SOX30: variants seen among roughly 807,000 people sequenced by gnomAD.
SOX30 encodes the protein transcription factor SOX-30.
Under a neutral mutation model 58.6 loss-of-function variants are expected in SOX30, and 17 were observed. The ratio of observed to expected loss-of-function variants is 0.29; its 90% confidence interval spans 0.20 to 0.44. The LOEUF (loss-of-function observed/expected upper bound fraction) is 0.44. Ranked by LOEUF, SOX30 falls within the 20% of genes least tolerant of loss-of-function variation. The probability of loss-of-function intolerance (pLI) is 1.00; values close to 1 mark genes in which losing one functional copy is unlikely to be tolerated. For synonymous variants in SOX30, 421 were observed against 400.2 expected (o/e 1.05, Z -0.62); for missense variants, 951 against 965.8 (o/e 0.98, Z 0.20).
Position 157,642,409 on chromosome 5 carries a change from G to A in SOX30, c.1388-3687C>T, listed in dbSNP as rs906503591. Among the ~76,000 whole-genome samples, 6 of 151,566 alleles carry A rather than the reference G, an allele frequency of 4.0e-5. No individual in the cohort carries two copies. The East Asian group carries it at 5.8e-4, about 15-fold the overall frequency. ...GAATTCAGTGTGTGAAATATTATGC[G>A]GTAGTAATCACAACATATTTAAATT... On this transcript the variant is annotated intron_variant, in intron 3 of 4. Coordinates refer to ENST00000265007, the MANE Select transcript of SOX30 (RefSeq NM_178424.2).
At chr5:157,645,489 C>T (rs942142559) in intron 3 of SOX30, among the ~76,000 whole-genome samples, 1 of 151,686 alleles carries the variant, frequency 6.6e-6, no homozygotes, top group East Asian at 1.9e-4. Flanking sequence ...ATGGCAAAAC[C>T]CCATCTCTAA....
At position 157,652,101 on chromosome 5, in the gene SOX30, A is replaced by G. The variant is rs183997314; in HGVS notation, c.-23T>C. 614 of 1,394,016 alleles carry G rather than the reference A, an allele frequency of 4.4e-4. 1 individual carries two copies. The African/African-American group carries it at 8.4e-3, about 19-fold the overall frequency. The allele number at this position is 1,394,016 out of a possible 1,614,324, so 86.4% of individuals were successfully genotyped here. A position where few individuals can be genotyped will look rare whatever the true frequency, so the allele number is the denominator to read the frequency against. On this transcript the variant is annotated 5_prime_UTR_variant, in exon 1 of 5. Coordinates refer to ENST00000265007, the MANE Select transcript of SOX30 (RefSeq NM_178424.2). ...CATGGGGGAGGGGGACGCCCCGGCC[A>G]GGATTGTGAGCTCAGCCGTTTGTTG... is the stretch of plus-strand genomic sequence containing the variant.
Position 157,626,212 on chromosome 5 carries a change from G to T in SOX30, c.*128C>A. 2 of 752,672 alleles carry T rather than the reference G, an allele frequency of 2.7e-6. No homozygotes were observed. The highest frequency in any genetic ancestry group is 4.0e-6 in the Non-Finnish European group (2 of 498,276). 46.6% of individuals were successfully genotyped at this position (752,672 alleles called of 1,614,324 possible). ...TTTTATGAAGACATAAATTGCATTT[G>T]GTTTTAACTCCTCAAATCACGACTG... is the stretch of plus-strand genomic sequence containing the variant. On this transcript the variant is annotated 3_prime_UTR_variant, in exon 5 of 5. Transcript: ENST00000265007.
chr5:157,647,695 C>T (rs945372393), intron 2 of SOX30, among the ~76,000 whole-genome samples: 1 of 152,038 alleles, frequency 6.6e-6, no homozygotes, highest in South Asian at 2.1e-4. Flanking sequence ...GCTGGGACTA[C>T]AGGTGCCCAA....
In SOX30 at chr5:157,631,084, A is replaced by G. The variant is rs571502444; in HGVS notation, c.1881-4363T>C. Among the ~76,000 whole-genome samples the G allele has an allele frequency of 2.4e-3, 289 of 118,086 alleles. 2 individuals carry two copies. Among genetic ancestry groups the G allele is most frequent in the African/African-American group, 8.9e-3 (264 of 29,658 alleles). 77.5% of individuals were successfully genotyped at this position (118,086 alleles called of 152,430 possible). On this transcript the variant is annotated intron_variant, in intron 4 of 4. Transcript: ENST00000265007. ...ATATATATATACACACAATATATGT[A>G]TTTTATATATGTAATTTAAGAGATG...
rs1468142977 is a variant in SOX30 at position 157,646,780 on chromosome 5, C to T, written c.1244G>A (p.Arg415Gln). 3.7e-6 allele frequency: 6 copies of T among 1,613,992 alleles called. No homozygotes were observed. The highest frequency in any genetic ancestry group is 2.7e-5 in the African/African-American group (2 of 75,030). Residue 415 changes from arginine to glutamine, a missense_variant, in exon 3 of 5, where the codon CGA becomes CAA. Coordinates refer to ENST00000265007, the MANE Select transcript of SOX30 (RefSeq NM_178424.2). ...TACATTGGAAACACTTAGAGGGAAT[C>T]GTTTTCGCTTCCCTGGACGAGGCTG... ...VYQPRPGKRK[R>Q]FPLSVSNVFS...
chr5:157,653,774 A>G (rs1169356849), upstream of SOX30, among the ~76,000 whole-genome samples: 1 of 152,220 alleles, frequency 6.6e-6, no homozygotes, highest in Non-Finnish European at 1.5e-5. Flanking sequence ...ATCCTCTGGT[A>G]ACAAATGTGG....
chr5:157,652,898 T>C (rs1759398385), upstream of SOX30, among the ~76,000 whole-genome samples: 1 of 152,138 alleles, frequency 6.6e-6, no homozygotes, highest in South Asian at 2.1e-4. Context: ...AAAACGCAAA[T>C]CTAAGGTTGT....
chr5:157,649,079 TCTGAA>T (rs1246213044), intron 1 of SOX30, among the ~76,000 whole-genome samples, 183 bp from the exon 2 acceptor site: 1 of 151,930 alleles, frequency 6.6e-6, no homozygotes, highest in Non-Finnish European at 1.5e-5. Context: ...AACTCATCAT[TCTGAA>T]CTGTAGTTTA....
intron 1 of SOX30, among the ~76,000 whole-genome samples, chr5:157,649,406 T>A (rs1759273742): frequency 6.6e-6 from 1 of 152,230 alleles, no homozygotes; most frequent in Non-Finnish European, 1.5e-5. Flanking sequence ...CTATATTAGT[T>A]GTATTTCACT....
chr5:157,630,667 CT>C (rs1337896606), intron 4 of SOX30, among the ~76,000 whole-genome samples: 1 of 151,378 alleles, frequency 6.6e-6, no homozygotes, highest in Admixed American at 6.6e-5. Context: ...TGGGGCACTC[CT>C]TAAATACTTA....
At chr5:157,626,827 C>T in intron 4 of SOX30, 106 bp from the exon 5 acceptor site, 1 of 1,263,874 alleles carries the variant, frequency 7.9e-7, no homozygotes, top group East Asian at 2.4e-5. Context: ...TTGGAAAGTT[C>T]CTTTCTGCAA....
upstream of SOX30, among the ~76,000 whole-genome samples, chr5:157,656,363 G>A (rs1023025544): frequency 1.3e-5 from 2 of 152,282 alleles, no homozygotes; most frequent in African/African-American, 2.4e-5. Context: ...TAAACATTTG[G>A]TCTAAATTAT....
rs1411675073 is a variant in SOX30 at position 157,651,338 on chromosome 5, C to G, written c.741G>C (p.Thr247=). The change falls in exon 1 of 5, where the codon ACG becomes ACC. Residue 247 remains threonine, a synonymous_variant. Transcript: ENST00000265007. ...HGSAEVILAP[T]SGAFGPHQQD... is the part of the protein sequence containing the mutation. ...GCTGGTGCGGCCCAAAGGCACCGGA[C>G]GTTGGGGCCAAGATGACCTCCGCGC... is the stretch of plus-strand genomic sequence containing the variant. The G allele has an allele frequency of 6.2e-7, 1 of 1,613,966 alleles. No homozygotes were observed. The highest frequency in any genetic ancestry group is 1.1e-5 in the South Asian group (1 of 91,082).
intron 3 of SOX30, among the ~76,000 whole-genome samples, chr5:157,639,132 A>G (rs1173332179): frequency 6.6e-6 from 1 of 152,202 alleles, no homozygotes; most frequent in Non-Finnish European, 1.5e-5. Flanking sequence ...GTATGCATAT[A>G]TACATTTAAA....
chr5:157,655,414 G>A (rs1361345138), upstream of SOX30, among the ~76,000 whole-genome samples: 5 of 152,170 alleles, frequency 3.3e-5, no homozygotes, highest in Non-Finnish European at 4.4e-5. Context: ...AGATTTAGGG[G>A]GCTAGAAGCC....
chr5:157,629,102 T>A (rs1758728993), intron 4 of SOX30, among the ~76,000 whole-genome samples: 1 of 152,128 alleles, frequency 6.6e-6, no homozygotes, highest in Admixed American at 6.5e-5. Flanking sequence ...CACAGTAGGG[T>A]GCCTATAGTT....
chr5:157,652,021 G>A lies in SOX30; in HGVS notation c.58C>T (p.Pro20Ser), dbSNP rs1385220964. 1.5e-5 allele frequency: 21 copies of A among 1,430,286 alleles called. No individual in the cohort carries two copies. The highest frequency in any genetic ancestry group is 2.7e-5 in the East Asian group (1 of 37,202). The allele number at this position is 1,430,286 out of a possible 1,614,324, so 88.6% of individuals were successfully genotyped here. A position where few individuals can be genotyped will look rare whatever the true frequency, so the allele number is the denominator to read the frequency against. Residue 20 changes from proline (P) to serine (S), a missense_variant, in exon 1 of 5, where the codon CCC becomes TCC. Pro to Ser is a moderately conservative substitution (Grantham distance 74). Around this residue, in one of 7 missense-constraint regions of SOX30, gnomAD observed 363 missense variants for 294.5 expected, o/e 1.23. Transcript: ENST00000265007. ...PQPRPLRPAP[P>S]PLPVEGTSFW... Reference sequence around the variant, plus strand: ...GAGGTGCCCTCGACCGGCAGCGGGGGCGGAGCGGGACGCAACGGGCGCGGC... The same window carrying A: ...GAGGTGCCCTCGACCGGCAGCGGGGACGGAGCGGGACGCAACGGGCGCGGC...
At chr5:157,642,038 G>A (rs766409452) in intron 3 of SOX30, among the ~76,000 whole-genome samples, 3 of 152,122 alleles carry the variant, frequency 2.0e-5, no homozygotes, top group African/African-American at 7.2e-5. Flanking sequence ...CTTGAGGGCC[G>A]GGTGCAGTGG....
Sources: allele counts gnomAD v4.1 joint callset (sites outside exome capture counted in the v4.1 genomes callset), GRCh38; gene constraint gnomAD v4.1.1; regional missense constraint gnomAD v4.1.1; transcripts MANE v1.5; gene names NCBI Gene and HGNC (gene_info 2026-07-23, HGNC 2026-07-21).